Variants in ADCY8 observed in about 807,000 individuals in gnomAD.
The protein encoded by ADCY8 is adenylate cyclase 8.
ADCY8 carries 51 observed loss-of-function variants against 119.7 expected under a neutral mutation model. The observed-to-expected ratio is 0.43, with a 90% CI of 0.34 to 0.54. ADCY8 has a LOEUF of 0.54. Among genes scored for constraint, ADCY8 ranks in the 20% least tolerant of loss-of-function variants. The pLI, the probability that ADCY8 is intolerant of heterozygous loss-of-function variation, is 0.03. For missense variants in ADCY8, 1,383 were observed against 1,598.8 expected, an observed-to-expected ratio of 0.87 and a Z score of 2.30; for synonymous variants, 665 against 651.0, an observed-to-expected ratio of 1.02 and a Z score of -0.33.
At chr8:130,991,873 GA>G (rs1563758703) in intron 1 of ADCY8, among the ~76,000 whole-genome samples, 1 of 151,492 alleles carries the variant, frequency 6.6e-6, no homozygotes, top group African/African-American at 2.4e-5. Context: ...AGCAGTGAAT[GA>G]AAAGATAAGA....
In ADCY8 at chr8:130,785,409, CG is replaced by C; in HGVS notation, c.3126del (p.Val1043CysfsTer28). 3 of 1,607,980 alleles carry C rather than the reference CG, an allele frequency of 1.9e-6. No homozygotes were observed. Among genetic ancestry groups the C allele is most frequent in the Non-Finnish European group, 2.5e-6 (3 of 1,177,082 alleles). On this transcript the variant is annotated frameshift_variant, in exon 16 of 18. Transcript: ENST00000286355. LOFTEE classifies it high-confidence loss of function. ...TGTTTTTCAGGTGACAGGCCTGACACGGCCATGTAGGTGCTGCCAATGGTCT... is the reference window on the plus strand; with the variant it reads ...TGTTTTTCAGGTGACAGGCCTGACACGCCATGTAGGTGCTGCCAATGGTCT... ...KIKTIGSTYM[A>X]VSGLSPEKQQ...
chr8:130,998,164 A>ATGG (rs374126444), intron 1 of ADCY8, among the ~76,000 whole-genome samples: 130 of 152,208 alleles, frequency 8.5e-4, no homozygotes, highest in African/African-American at 3.0e-3. Flanking sequence ...TATTTAACAC[A>ATGG]TGGTGGTGGT....
chr8:131,036,248 A>C (rs540009436), intron 1 of ADCY8, among the ~76,000 whole-genome samples: 1 of 152,294 alleles, frequency 6.6e-6, no homozygotes, highest in East Asian at 1.9e-4. Flanking sequence ...ATTAGATATG[A>C]TGATGCACAT....
chr8:130,929,308 C>T (rs973121964), intron 5 of ADCY8, among the ~76,000 whole-genome samples: 1 of 152,026 alleles, frequency 6.6e-6, no homozygotes, highest in Non-Finnish European at 1.5e-5. Flanking sequence ...TATATAACTG[C>T]CTTTGCTGTA....
At chr8:130,993,449 T>C (rs1336960518) in intron 1 of ADCY8, among the ~76,000 whole-genome samples, 1 of 152,192 alleles carries the variant, frequency 6.6e-6, no homozygotes, top group Non-Finnish European at 1.5e-5. Flanking sequence ...GCTCATATGA[T>C]TAACAACCGT....
intron 7 of ADCY8, among the ~76,000 whole-genome samples, chr8:130,891,536 C>T (rs1307368968): frequency 6.6e-6 from 1 of 152,074 alleles, no homozygotes; most frequent in Non-Finnish European, 1.5e-5. Context: ...AAATACTTAT[C>T]ATTTATTCTT....
chr8:130,908,547 T>A (rs972593672), intron 6 of ADCY8, among the ~76,000 whole-genome samples: 2 of 152,082 alleles, frequency 1.3e-5, no homozygotes, highest in Admixed American at 1.3e-4. Flanking sequence ...CCTGAGATAA[T>A]CTTCAGAGGA....
intron 7 of ADCY8, among the ~76,000 whole-genome samples, chr8:130,897,864 A>G (rs1026161035): frequency 2.0e-5 from 3 of 151,536 alleles, no homozygotes; most frequent in Non-Finnish European, 2.9e-5. Context: ...ACATATAAAC[A>G]CCACACACAT....
chr8:130,837,880 G>T (rs1817036157), intron 11 of ADCY8, among the ~76,000 whole-genome samples: 2 of 152,160 alleles, frequency 1.3e-5, no homozygotes, highest in Admixed American at 1.3e-4. Flanking sequence ...TAAGTAAATT[G>T]TCCAAGATCT....
chr8:130,957,556 A>G (rs1821468197), intron 2 of ADCY8, among the ~76,000 whole-genome samples: 1 of 152,230 alleles, frequency 6.6e-6, no homozygotes, highest in African/African-American at 2.4e-5. Flanking sequence ...GAGGAGCTGA[A>G]TGTTAATCCC....
At chr8:130,912,358 G>A (rs2130558199) in intron 5 of ADCY8, among the ~76,000 whole-genome samples, 1 of 152,264 alleles carries the variant, frequency 6.6e-6, no homozygotes, top group East Asian at 1.9e-4. Flanking sequence ...ATGGGTGGAT[G>A]CCTGGGTGTC....
intron 8 of ADCY8, among the ~76,000 whole-genome samples, chr8:130,877,192 C>T (rs1383359799): frequency 2.0e-5 from 3 of 152,202 alleles, no homozygotes; most frequent in Non-Finnish European, 4.4e-5. Context: ...ATTGCAGCCT[C>T]CAAGGCACTT....
intron 5 of ADCY8, among the ~76,000 whole-genome samples, chr8:130,928,049 G>A (rs1586579239): frequency 6.6e-6 from 1 of 152,084 alleles, no homozygotes; most frequent in Admixed American, 6.6e-5. Flanking sequence ...GAGTAGTTAC[G>A]GGATTACCAG....
intron 4 of ADCY8, among the ~76,000 whole-genome samples, chr8:130,940,813 T>C (rs1820933185): frequency 6.6e-6 from 1 of 152,188 alleles, no homozygotes; most frequent in Admixed American, 6.5e-5. Flanking sequence ...TTGATGACTT[T>C]GACATTATCA....
intron 2 of ADCY8, among the ~76,000 whole-genome samples, chr8:130,954,804 G>A (rs971857860): frequency 6.6e-6 from 1 of 152,126 alleles, no homozygotes; most frequent in African/African-American, 2.4e-5. Flanking sequence ...CCTACAAAAT[G>A]TATTCTAATC....
intron 8 of ADCY8, among the ~76,000 whole-genome samples, chr8:130,883,641 T>C (rs1304229815): frequency 6.6e-6 from 1 of 152,184 alleles, no homozygotes; most frequent in African/African-American, 2.4e-5. Context: ...ATCAAACTCC[T>C]GAAATTTGCT....
intron 11 of ADCY8, among the ~76,000 whole-genome samples, chr8:130,844,194 T>G (rs1001068642): frequency 4.6e-5 from 7 of 152,190 alleles, no homozygotes; most frequent in African/African-American, 1.7e-4. Context: ...CCGAATCTCC[T>G]GAGAACCACA....
intron 7 of ADCY8, among the ~76,000 whole-genome samples, chr8:130,898,115 G>A (rs1227853586): frequency 6.6e-6 from 1 of 152,170 alleles, no homozygotes; most frequent in Non-Finnish European, 1.5e-5. Flanking sequence ...CTGATGGAAA[G>A]CATGGGGCTT....
intron 3 of ADCY8, chr8:130,949,449 AT>A (rs1273241558): frequency 1.3e-5 from 2 of 151,762 alleles, no homozygotes; most frequent in African/African-American, 2.4e-5. Flanking sequence ...TTAAATATTT[AT>A]TTTTTCCCCA....
Sources: gnomAD v4.1 joint callset for allele counts (sites outside exome capture counted in the v4.1 genomes callset) on GRCh38, gnomAD v4.1.1 for gene constraint, MANE v1.5 for transcripts, NCBI Gene and HGNC (gene_info 2026-07-23, HGNC 2026-07-21) for gene names.